MINDY2: variants seen among roughly 807,000 people sequenced by gnomAD.
MINDY2 encodes MINDY lysine 48 deubiquitinase 2.
A neutral mutation model predicts 68.2 loss-of-function variants in MINDY2; 52 were observed. The observed-to-expected ratio is 0.76, with a 90% CI of 0.61 to 0.96. The LOEUF (loss-of-function observed/expected upper bound fraction) is 0.96, where lower values mean the gene tolerates loss of function less well. Ranked by LOEUF, MINDY2 falls within the 40% of genes least tolerant of loss-of-function variation. MINDY2 has a pLI of 0.00. For synonymous variants in MINDY2, 372 were observed against 303.0 expected, an observed-to-expected ratio of 1.23 and a Z score of -2.36; for missense variants, 881 against 773.4, an observed-to-expected ratio of 1.14 and a Z score of -1.65.
At chr15:58,809,608 G>GA (rs1403343919) in intron 3 of MINDY2, among the ~76,000 whole-genome samples, 1 of 152,118 alleles carries the variant, frequency 6.6e-6, no homozygotes, top group Non-Finnish European at 1.5e-5. Flanking sequence ...TCTTTGACTT[G>GA]AAAAACATTT....
chr15:58,776,413 G>A (rs756774934), intron 1 of MINDY2, among the ~76,000 whole-genome samples: 2 of 152,152 alleles, frequency 1.3e-5, no homozygotes, highest in Non-Finnish European at 2.9e-5. Flanking sequence ...TTAAGGGTGA[G>A]AGAGTGAAAA....
chr15:58,836,919 C>T (rs922524342), intron 6 of MINDY2, among the ~76,000 whole-genome samples: 1 of 152,148 alleles, frequency 6.6e-6, no homozygotes, highest in Non-Finnish European at 1.5e-5. Context: ...TACACCCAGA[C>T]ATGAGTGCAT....
intron 2 of MINDY2, among the ~76,000 whole-genome samples, chr15:58,793,645 T>C (rs532344443): frequency 2.0e-5 from 3 of 152,256 alleles, no homozygotes; most frequent in South Asian, 2.1e-4. Context: ...AAAAATACTT[T>C]ATACAAATAG....
At chr15:58,774,120 C>T (rs1595693147) in intron 1 of MINDY2, among the ~76,000 whole-genome samples, 1 of 152,212 alleles carries the variant, frequency 6.6e-6, no homozygotes, top group African/African-American at 2.4e-5. Context: ...TAAACTGACT[C>T]ATTCAATTCA....
chr15:58,780,971 A>G (rs1901096694), intron 1 of MINDY2, among the ~76,000 whole-genome samples: 1 of 152,056 alleles, frequency 6.6e-6, no homozygotes, highest in Non-Finnish European at 1.5e-5. Context: ...TTGAGGGGGG[A>G]GATATTTCAG....
At chr15:58,826,925 G>C (rs2031432271) in intron 5 of MINDY2, among the ~76,000 whole-genome samples, 2 of 148,940 alleles carry the variant, frequency 1.3e-5, no homozygotes, top group Non-Finnish European at 3.0e-5. Flanking sequence ...TTCCTTCCTT[G>C]CTTCCTCCCT....
In MINDY2 at chr15:58,861,425, A is replaced by G. The variant is rs1567085862; in HGVS notation, c.*6815A>G. The G allele has an allele frequency of 6.6e-6, 1 of 152,066 alleles. No homozygotes were observed. The highest frequency in any genetic ancestry group is 2.4e-5 in the African/African-American group (1 of 41,398). 9.4% of individuals were successfully genotyped at this position (152,066 alleles called of 1,614,324 possible). A position where few individuals can be genotyped will look rare whatever the true frequency, so the allele number is the denominator to read the frequency against. ...ACCCATTTTACTTCTGAAATAATTC[A>G]TCTGTTTTGCTTTATGACCAGCTTT... On this transcript the variant is annotated 3_prime_UTR_variant, in exon 9 of 9. Coordinates refer to ENST00000559228, the MANE Select transcript of MINDY2 (RefSeq NM_001040450.3).
chr15:58,814,841 C>T (rs2030571202), intron 4 of MINDY2, among the ~76,000 whole-genome samples: 2 of 145,864 alleles, frequency 1.4e-5, no homozygotes, highest in African/African-American at 5.1e-5. Flanking sequence ...GTATGACACG[C>T]TTGAACTCCC....
At chr15:58,773,387 G>C (rs1223518538) in intron 1 of MINDY2, among the ~76,000 whole-genome samples, 1 of 152,238 alleles carries the variant, frequency 6.6e-6, no homozygotes, top group African/African-American at 2.4e-5. Context: ...CCTGTCGCTA[G>C]CAAGGACTGA....
chr15:58,850,467 T>C (rs1213393036), intron 7 of MINDY2, among the ~76,000 whole-genome samples: 1 of 152,226 alleles, frequency 6.6e-6, no homozygotes, highest in Non-Finnish European at 1.5e-5. Context: ...GTTATCTCTA[T>C]GTAATGATAT....
At chr15:58,798,374 C>T (rs1902422470) in intron 2 of MINDY2, among the ~76,000 whole-genome samples, 1 of 151,598 alleles carries the variant, frequency 6.6e-6, no homozygotes, top group Admixed American at 6.6e-5. Context: ...ATCCACCCAC[C>T]TTACACTCTC....
chr15:58,802,506 T>C (rs1902734708), intron 3 of MINDY2, 129 bp downstream of exon 3: 1 of 540,880 alleles, frequency 1.8e-6, no homozygotes, highest in Non-Finnish European at 3.2e-6. Flanking sequence ...GCAAGCCACA[T>C]GTGGTCAGTC....
intron 1 of MINDY2, among the ~76,000 whole-genome samples, chr15:58,785,812 G>T (rs1901459919): frequency 2.6e-5 from 4 of 151,986 alleles, no homozygotes; most frequent in African/African-American, 4.8e-5. Context: ...AAGTAGCTGG[G>T]ACTACAGGTG....
intron 1 of MINDY2, among the ~76,000 whole-genome samples, chr15:58,781,465 A>G (rs1158805961): frequency 6.6e-6 from 1 of 152,242 alleles, no homozygotes; most frequent in Non-Finnish European, 1.5e-5. Context: ...ATGTGTGAAT[A>G]TATCTGCAGT....
chr15:58,786,104 T>C (rs919250165), intron 1 of MINDY2, among the ~76,000 whole-genome samples: 2 of 152,246 alleles, frequency 1.3e-5, no homozygotes, highest in African/African-American at 2.4e-5. Flanking sequence ...GACTGTCATA[T>C]ATGCTTACAG....
At chr15:58,820,059 A>C (rs2030960165) in intron 4 of MINDY2, among the ~76,000 whole-genome samples, 1 of 152,186 alleles carries the variant, frequency 6.6e-6, no homozygotes, top group Non-Finnish European at 1.5e-5. Context: ...TGAGGTCAGG[A>C]GTTCAAGACC....
chr15:58,851,734 T>C lies in MINDY2; in HGVS notation c.1543-37T>C, dbSNP rs1323658495. ...TGCAGTCATTCATTCTTGGGTAAAATCTCATAGCTAATGATGGTTATAATT... is the reference window on the plus strand; with the variant it reads ...TGCAGTCATTCATTCTTGGGTAAAACCTCATAGCTAATGATGGTTATAATT... On this transcript the variant is annotated intron_variant, in intron 7 of 8. Coordinates refer to ENST00000559228, the MANE Select transcript of MINDY2 (RefSeq NM_001040450.3). 5.5e-6 allele frequency: 8 copies of C among 1,463,152 alleles called. No individual in the cohort carries two copies. The African/African-American group carries it at 1.2e-4, about 21-fold the overall frequency. 90.6% of individuals were successfully genotyped at this position (1,463,152 alleles called of 1,614,324 possible).
intron 2 of MINDY2, among the ~76,000 whole-genome samples, chr15:58,795,598 G>A (rs1902229426): frequency 6.6e-6 from 1 of 152,128 alleles, no homozygotes; most frequent in African/African-American, 2.4e-5. Context: ...TAGAGACAGG[G>A]TTTCACCGTG....
At chr15:58,849,448 T>C (rs1041389523) in intron 7 of MINDY2, among the ~76,000 whole-genome samples, 7 of 151,848 alleles carry the variant, frequency 4.6e-5, no homozygotes, top group South Asian at 2.1e-4. Context: ...GAGGTTGCAG[T>C]GAGCCAAGAT....
Sources: allele counts gnomAD v4.1 joint callset (sites outside exome capture counted in the v4.1 genomes callset), GRCh38; gene constraint gnomAD v4.1.1; transcripts MANE v1.5; gene names NCBI Gene and HGNC (gene_info 2026-07-23, HGNC 2026-07-21).